Variants in PHACTR1 observed in about 807,000 individuals in gnomAD.
The protein encoded by PHACTR1 is phosphatase and actin regulator 1, also known as RPEL repeat containing 1.
A neutral mutation model predicts 69.2 loss-of-function variants in PHACTR1; 16 were observed. That is an observed-to-expected ratio of 0.23 (90% CI 0.16 to 0.35). The LOEUF is 0.35. Ranked by LOEUF, PHACTR1 falls within the 10% of genes least tolerant of loss-of-function variation. PHACTR1 has a pLI of 1.00. For synonymous variants in PHACTR1, 312 were observed against 284.5 expected (o/e 1.10, Z -0.97); for missense variants, 510 against 734.7 (o/e 0.69, Z 3.54).
At chr6:12,782,002 T>G (rs536122940) in intron 4 of PHACTR1, among the ~76,000 whole-genome samples, 2 of 152,176 alleles carry the variant, frequency 1.3e-5, no homozygotes, top group Non-Finnish European at 2.9e-5. Flanking sequence ...CCCATGGCAG[T>G]GGAATTGTGC....
In PHACTR1 at chr6:13,185,059, T is replaced by G. The variant is rs1481724928; in HGVS notation, c.664+2373T>G. On this transcript the variant is annotated intron_variant, in intron 7 of 14. Transcript: ENST00000332995. Reference sequence around the variant, plus strand: ...AGTCCCTCCTTCCCTTCAAGGGATTTTCTTTTTCTCTTGTTCTTTGAACTG... The same window carrying G: ...AGTCCCTCCTTCCCTTCAAGGGATTGTCTTTTTCTCTTGTTCTTTGAACTG... The G allele has an allele frequency of 2.4e-6, 3 of 1,272,618 alleles. No individual in the cohort carries two copies. The African/African-American group carries it at 4.6e-5, about 20-fold the overall frequency. 78.8% of individuals were successfully genotyped at this position (1,272,618 alleles called of 1,614,324 possible). A position where few individuals can be genotyped will look rare whatever the true frequency, so the allele number is the denominator to read the frequency against.
intron 10 of PHACTR1, among the ~76,000 whole-genome samples, chr6:13,250,772 C>G (rs1774276733): frequency 6.6e-6 from 1 of 152,196 alleles, no homozygotes; most frequent in South Asian, 2.1e-4. Context: ...GAGCCAGATA[C>G]TAAAACATGA....
At chr6:13,203,614 A>G (rs1765525392) in intron 7 of PHACTR1, among the ~76,000 whole-genome samples, 1 of 152,146 alleles carries the variant, frequency 6.6e-6, no homozygotes, top group African/African-American at 2.4e-5. Context: ...TGATCAAGGA[A>G]GGCTTTTCAG....
chr6:13,256,260 C>T (rs1468643376), intron 10 of PHACTR1, among the ~76,000 whole-genome samples: 2 of 152,216 alleles, frequency 1.3e-5, no homozygotes, highest in African/African-American at 4.8e-5. Context: ...CACAGGGCAG[C>T]GGGGCCCTAG....
chr6:13,255,409 C>A (rs1775042791), intron 10 of PHACTR1, among the ~76,000 whole-genome samples: 1 of 152,148 alleles, frequency 6.6e-6, no homozygotes. Flanking sequence ...GCCCCTGGCG[C>A]CTCCCAAATC....
intron 5 of PHACTR1, among the ~76,000 whole-genome samples, chr6:13,121,155 C>G (rs1818669516): frequency 6.6e-6 from 1 of 152,048 alleles, no homozygotes; most frequent in African/African-American, 2.4e-5. Context: ...GATGCGTTTT[C>G]CAGATAGGGG....
intron 4 of PHACTR1, among the ~76,000 whole-genome samples, chr6:13,047,282 G>A (rs539940325): frequency 6.6e-6 from 1 of 150,480 alleles, no homozygotes; most frequent in Non-Finnish European, 1.5e-5. Flanking sequence ...GGAGGCTGAG[G>A]CATGAGAATG....
chr6:13,127,547 G>A (rs910183069), intron 5 of PHACTR1, among the ~76,000 whole-genome samples: 7 of 152,194 alleles, frequency 4.6e-5, no homozygotes, highest in East Asian at 1.9e-4. Flanking sequence ...TCTAGGCTGC[G>A]TGACAGAGAG....
At chr6:12,819,300 G>C (rs1242260519) in intron 4 of PHACTR1, among the ~76,000 whole-genome samples, 1 of 152,110 alleles carries the variant, frequency 6.6e-6, no homozygotes, top group Non-Finnish European at 1.5e-5. Flanking sequence ...ACAATGTATT[G>C]CTTTATTTTC....
At chr6:13,284,543 A>AAAAAAAAAATATAT (rs1554187813) in intron 13 of PHACTR1, among the ~76,000 whole-genome samples, 4 of 61,354 alleles carry the variant, frequency 6.5e-5, no homozygotes, top group African/African-American at 4.3e-4. Context: ...AAAAAAAAAA[A>AAAAAAAAAATATAT]ATATATATAT....
intron 5 of PHACTR1, among the ~76,000 whole-genome samples, chr6:13,133,791 G>A (rs1471214792): frequency 5.3e-5 from 8 of 149,646 alleles, no homozygotes; most frequent in Admixed American, 3.3e-4. Flanking sequence ...CTGCCCGGCC[G>A]CCCAGTCTGG....
intron 10 of PHACTR1, among the ~76,000 whole-genome samples, chr6:13,256,072 C>G (rs922984747): frequency 6.6e-6 from 1 of 152,256 alleles, no homozygotes; most frequent in African/African-American, 2.4e-5. Flanking sequence ...CATACATACT[C>G]TAAAGTCTAG....
At chr6:12,830,410 C>T (rs1184317620) in intron 4 of PHACTR1, among the ~76,000 whole-genome samples, 1 of 151,222 alleles carries the variant, frequency 6.6e-6, no homozygotes, top group African/African-American at 2.4e-5. Context: ...ATGGAATCCA[C>T]ATATTTAAGC....
intron 4 of PHACTR1, among the ~76,000 whole-genome samples, chr6:12,778,020 G>T (rs1770316456): frequency 6.6e-6 from 1 of 152,208 alleles, no homozygotes; most frequent in South Asian, 2.1e-4. Flanking sequence ...TGGCCCCACA[G>T]CAGCTCACAA....
chr6:12,857,672 C>G (rs898621910), intron 4 of PHACTR1, among the ~76,000 whole-genome samples: 32 of 151,850 alleles, frequency 2.1e-4, no homozygotes, highest in Admixed American at 3.3e-4. Flanking sequence ...GCTGAATGAA[C>G]TAACAGTATG....
At chr6:13,067,569 T>C (rs1431886959) in intron 5 of PHACTR1, among the ~76,000 whole-genome samples, 1 of 152,238 alleles carries the variant, frequency 6.6e-6, no homozygotes, top group Non-Finnish European at 1.5e-5. Context: ...CATACTCGTC[T>C]TTGTATGAAC....
intron 5 of PHACTR1, among the ~76,000 whole-genome samples, chr6:13,110,577 A>G (rs1032329591): frequency 2.6e-5 from 4 of 152,154 alleles, no homozygotes; most frequent in African/African-American, 9.7e-5. Flanking sequence ...TCTGTTTCTC[A>G]TATTCCAGTT....
chr6:12,993,777 T>A (rs1387796243), intron 4 of PHACTR1, among the ~76,000 whole-genome samples: 1 of 152,208 alleles, frequency 6.6e-6, no homozygotes, highest in Non-Finnish European at 1.5e-5. Flanking sequence ...GATTTGGGAA[T>A]CCTGGAGCTA....
At position 13,287,481 on chromosome 6, in the gene PHACTR1, G is replaced by T. The variant is rs1781906649; in HGVS notation, c.*403G>T. The T allele has an allele frequency of 4.4e-6, 1 of 228,558 alleles. No homozygotes were observed. The highest frequency in any genetic ancestry group is 8.7e-6 in the Non-Finnish European group (1 of 115,158). The allele number at this position is 228,558 out of a possible 1,614,324, so 14.2% of individuals were successfully genotyped here. On this transcript the variant is annotated 3_prime_UTR_variant, in exon 15 of 15. Transcript: ENST00000332995. ...TCTGAGTCCAAAGAAAGCTGAAGGG[G>T]TGGGTTTGTTTTGGGGGTACTGTGC... is the stretch of plus-strand genomic sequence containing the variant.
Sources: allele counts gnomAD v4.1 joint callset (sites outside exome capture counted in the v4.1 genomes callset), GRCh38; gene constraint gnomAD v4.1.1; transcripts MANE v1.5; gene names NCBI Gene and HGNC (gene_info 2026-07-23, HGNC 2026-07-21).